Variants in AOPEP observed in about 807,000 individuals in gnomAD.
AOPEP encodes aminopeptidase O.
In AOPEP, 77 loss-of-function variants were observed where a neutral mutation model predicts 98.1. The observed-to-expected ratio is 0.78, with a 90% CI of 0.65 to 0.95. AOPEP has a LOEUF of 0.95. AOPEP is among the 40% of genes least tolerant of loss of function. The pLI is 0.00. For missense variants in AOPEP, 1,024 were observed against 1,024.7 expected, an observed-to-expected ratio of 1.00 and a Z score of 0.01; for synonymous variants, 346 against 365.3, an observed-to-expected ratio of 0.95 and a Z score of 0.60.
chr9:95,122,817 T>C, the AOPEP span, among the ~76,000 whole-genome samples: 4 of 152,116 alleles, frequency 2.6e-5, no homozygotes, highest in South Asian at 4.2e-4. Flanking sequence ...CCGTTCCTAA[T>C]GGGGTCTACA....
chr9:94,833,545 A>G (rs1441262175), intron 5 of AOPEP, among the ~76,000 whole-genome samples: 1 of 152,092 alleles, frequency 6.6e-6, no homozygotes, highest in African/African-American at 2.4e-5. Flanking sequence ...CTGTGCCTGA[A>G]GTTTCTTACA....
chr9:95,038,498 C>T (rs2065019856), intron 13 of AOPEP, among the ~76,000 whole-genome samples: 1 of 152,180 alleles, frequency 6.6e-6, no homozygotes, highest in African/African-American at 2.4e-5. Flanking sequence ...GCAAACAAAT[C>T]CAGGCCACTA....
At chr9:94,865,570 C>T (rs2045613168) in intron 5 of AOPEP, among the ~76,000 whole-genome samples, 1 of 152,186 alleles carries the variant, frequency 6.6e-6, no homozygotes, top group Non-Finnish European at 1.5e-5. Flanking sequence ...AAACTGCTTT[C>T]AAGCCCACTT....
At chr9:94,821,100 G>A (rs1194630055) in intron 5 of AOPEP, among the ~76,000 whole-genome samples, 1 of 152,196 alleles carries the variant, frequency 6.6e-6, no homozygotes, top group Admixed American at 6.5e-5. Context: ...CATACCAAGT[G>A]TTTTTAAATA....
At chr9:95,141,371 G>A in the AOPEP span, among the ~76,000 whole-genome samples, 9 of 149,574 alleles carry the variant, frequency 6.0e-5, no homozygotes, top group African/African-American at 2.2e-4. Flanking sequence ...TTTCCATCAT[G>A]GATAAACAAT....
Position 94,899,179 on chromosome 9 carries a change from C to CTTTTTTTTT in AOPEP, c.1365-24792_1365-24784dup, listed in dbSNP as rs1164742981. On this transcript the variant is annotated intron_variant, in intron 5 of 16. Transcript: ENST00000375315. ...GGAAGATAATTTGCCTCTTCATTTG[C>CTTTTTTTTT]TTTTTTTTTTTTTTTTTTTTTTTGA... is the stretch of plus-strand genomic sequence containing the variant. Among the ~76,000 whole-genome samples the CTTTTTTTTT allele has an allele frequency of 4.5e-4, 27 of 59,744 alleles. 4 individuals are homozygous for CTTTTTTTTT. Among genetic ancestry groups the CTTTTTTTTT allele is most frequent in the African/African-American group, 1.2e-3 (16 of 13,416 alleles). The allele number at this position is 59,744 out of a possible 152,430, so 39.2% of individuals were successfully genotyped here. A position where few individuals can be genotyped will look rare whatever the true frequency, so the allele number is the denominator to read the frequency against.
intron 1 of AOPEP, among the ~76,000 whole-genome samples, chr9:94,749,164 A>G (rs1347175924): frequency 6.6e-6 from 1 of 152,224 alleles, no homozygotes; most frequent in Non-Finnish European, 1.5e-5. Flanking sequence ...TTACTTATTC[A>G]ATTATTTGTT....
intron 1 of AOPEP, among the ~76,000 whole-genome samples, chr9:94,743,304 T>C (rs968989145): frequency 7.2e-5 from 11 of 152,060 alleles, no homozygotes; most frequent in Middle Eastern, 3.4e-3. Flanking sequence ...CCAGGAATCA[T>C]CGGAGGTGGT....
the AOPEP span, among the ~76,000 whole-genome samples, chr9:95,140,950 G>C: frequency 6.6e-6 from 1 of 151,992 alleles, no homozygotes; most frequent in African/African-American, 2.4e-5. Context: ...AATATAAGCA[G>C]ATTTTTTATT....
rs964110131 is a variant in AOPEP at position 94,792,936 on chromosome 9, T to A, written c.1118+18T>A. The A allele has an allele frequency of 3.2e-6, 5 of 1,563,760 alleles. No individual in the cohort carries two copies. Among genetic ancestry groups the A allele is most frequent in the Non-Finnish European group, 4.3e-6 (5 of 1,155,926 alleles). On this transcript the variant is annotated intron_variant, in intron 4 of 16. Transcript: ENST00000375315. ...AACTTCAGGTTTGTGTTTGGGGACT[T>A]GCTGGGAAGGAAAAAAAAAAAAACA...
chr9:95,130,024 T>C, the AOPEP span, among the ~76,000 whole-genome samples: 1 of 151,996 alleles, frequency 6.6e-6, no homozygotes, highest in East Asian at 1.9e-4. Flanking sequence ...AAAGTCAACA[T>C]GGAATCAACA....
chr9:95,001,124 C>T (rs2061533475), intron 11 of AOPEP, among the ~76,000 whole-genome samples: 1 of 152,180 alleles, frequency 6.6e-6, no homozygotes, highest in African/African-American at 2.4e-5. Flanking sequence ...AGAGAAAACA[C>T]ACCCGTAACA....
At chr9:94,809,581 G>T (rs1008659476) in intron 5 of AOPEP, among the ~76,000 whole-genome samples, 1 of 152,238 alleles carries the variant, frequency 6.6e-6, no homozygotes, top group African/African-American at 2.4e-5. Context: ...CAAGGGCTTT[G>T]CTTTACAGCA....
At chr9:95,018,948 G>C (rs2063231157) in intron 13 of AOPEP, 1 of 152,168 alleles carries the variant, frequency 6.6e-6, no homozygotes, top group Admixed American at 6.5e-5. Flanking sequence ...CTTACGTGAT[G>C]GCATGTGGAT....
chr9:95,123,544 C>T, the AOPEP span: 21 of 527,626 alleles, frequency 4.0e-5, 1 homozygote, highest in Non-Finnish European at 7.1e-5. Context: ...GAAGGAACAA[C>T]GGTCGTACCA....
At chr9:95,107,113 G>A in the AOPEP span, 1 of 1,614,222 alleles carries the variant, frequency 6.2e-7, no homozygotes. Flanking sequence ...GGAGCCCAGA[G>A]CAGGAAGTTG....
At chr9:95,082,770 T>A in intron 16 of AOPEP, 51 bp downstream of exon 16, 1 of 1,592,060 alleles carries the variant, frequency 6.3e-7, no homozygotes, top group African/African-American at 1.3e-5. Flanking sequence ...AGATACTCCT[T>A]TTAGGAGCCA....
intron 1 of AOPEP, among the ~76,000 whole-genome samples, chr9:94,755,089 CT>C (rs139708559): frequency 5.4e-5 from 8 of 147,952 alleles, no homozygotes; most frequent in Admixed American, 6.8e-5. Context: ...CTTATTTTTT[CT>C]TTTTTTTTTA....
intron 7 of AOPEP, among the ~76,000 whole-genome samples, chr9:94,954,445 G>C (rs979481688): frequency 6.6e-6 from 1 of 152,174 alleles, no homozygotes; most frequent in Non-Finnish European, 1.5e-5. Context: ...TAACACTAAC[G>C]ACAGCTGATA....
Sources: gnomAD v4.1 joint callset for allele counts (sites outside exome capture counted in the v4.1 genomes callset) on GRCh38, gnomAD v4.1.1 for gene constraint, MANE v1.5 for transcripts, NCBI Gene and HGNC (gene_info 2026-07-23, HGNC 2026-07-21) for gene names.